SETDB2: variants seen among roughly 807,000 people sequenced by gnomAD.
The protein encoded by SETDB2 is histone-lysine N-methyltransferase SETDB2.
Under a neutral mutation model 82.5 loss-of-function variants are expected in SETDB2, and 56 were observed. The ratio of observed to expected loss-of-function variants is 0.68; its 90% CI spans 0.55 to 0.85. The LOEUF (loss-of-function observed/expected upper bound fraction) is 0.85. SETDB2 is among the 40% of genes least tolerant of loss of function. SETDB2 has a pLI of 0.00. For missense variants in SETDB2, 677 were observed against 816.4 expected (o/e 0.83, Z 2.08); for synonymous variants, 272 against 284.9 (o/e 0.95, Z 0.46).
intron 13 of SETDB2, 64 bp from the exon 14 acceptor site, chr13:49,491,668 T>C: frequency 9.2e-7 from 1 of 1,082,162 alleles, no homozygotes; most frequent in South Asian, 1.3e-5. Flanking sequence ...AAAATTGATA[T>C]AATTTGGTTC....
chr13:49,456,577 A>G (rs1957886774), intron 2 of SETDB2, among the ~76,000 whole-genome samples: 1 of 152,204 alleles, frequency 6.6e-6, no homozygotes, highest in South Asian at 2.1e-4. Context: ...TACCTGCTCC[A>G]GTATTCCTTG....
intron 6 of SETDB2, among the ~76,000 whole-genome samples, chr13:49,478,376 A>G (rs1393132263): frequency 6.6e-6 from 1 of 152,204 alleles, no homozygotes; most frequent in Non-Finnish European, 1.5e-5. Flanking sequence ...CTGGAATTGT[A>G]TTAATGAAAA....
intron 6 of SETDB2, among the ~76,000 whole-genome samples, chr13:49,479,390 A>T (rs1271509711): frequency 6.6e-6 from 1 of 152,220 alleles, no homozygotes; most frequent in Admixed American, 6.5e-5. Flanking sequence ...ATGGGAAAGA[A>T]CAATTATAGA....
rs1474115478 is a variant in SETDB2 at position 49,482,914 on chromosome 13, CTG to C, written c.1335_1336del (p.Lys447MetfsTer7). ...GAAACACATCCTAGAACTGCTAAAACTGAGAAATGTCCACCAAAGTTCAGTAA... is the reference window on the plus strand; with the variant it reads ...GAAACACATCCTAGAACTGCTAAAACAGAAATGTCCACCAAAGTTCAGTAA... On this transcript the variant is annotated frameshift_variant, in exon 9 of 14. Transcript: ENST00000611815. LOFTEE classifies it high-confidence loss of function. 1.2e-6 allele frequency: 2 copies of C among 1,613,302 alleles called. No homozygotes were observed. The highest frequency in any genetic ancestry group is 3.3e-5 in the Admixed American group (2 of 60,006).
chr13:49,454,732 C>T (rs1333060773), intron 2 of SETDB2, among the ~76,000 whole-genome samples: 2 of 152,164 alleles, frequency 1.3e-5, no homozygotes, highest in Non-Finnish European at 2.9e-5. Context: ...TTTACAACTG[C>T]ATAATGTCAT....
chr13:49,467,829 G>T (rs1169348875), intron 4 of SETDB2, 35 bp from the exon 5 acceptor site: 2 of 1,505,338 alleles, frequency 1.3e-6, no homozygotes, highest in Non-Finnish European at 9.1e-7. Context: ...TTTTTAACTT[G>T]GTATATTTGT....
intron 5 of SETDB2, among the ~76,000 whole-genome samples, chr13:49,470,871 G>A (rs747877861): frequency 1.3e-5 from 2 of 151,866 alleles, no homozygotes; most frequent in Non-Finnish European, 2.9e-5. Flanking sequence ...AACTATCAAC[G>A]GCAAACCCCA....
chr13:49,453,509 G>T (rs1957821002), intron 2 of SETDB2, among the ~76,000 whole-genome samples: 1 of 152,004 alleles, frequency 6.6e-6, no homozygotes, highest in Non-Finnish European at 1.5e-5. Flanking sequence ...TATTGGCCAG[G>T]CTGGTCTCGA....
chr13:49,449,554 A>G (rs933056801), intron 1 of SETDB2, among the ~76,000 whole-genome samples: 1 of 151,914 alleles, frequency 6.6e-6, no homozygotes, highest in Non-Finnish European at 1.5e-5. Flanking sequence ...GTTAGCCCCA[A>G]GTTTTCTTTG....
At chr13:49,454,893 TTATAC>T (rs1018286644) in intron 2 of SETDB2, among the ~76,000 whole-genome samples, 2 of 152,148 alleles carry the variant, frequency 1.3e-5, no homozygotes, top group African/African-American at 4.8e-5. Flanking sequence ...CAGGATGACT[TTATAC>T]TCTTTAGAGT....
chr13:49,467,492 G>A (rs1222296714), intron 4 of SETDB2, among the ~76,000 whole-genome samples: 1 of 151,964 alleles, frequency 6.6e-6, no homozygotes, highest in African/African-American at 2.4e-5. Flanking sequence ...GAAAACAAAA[G>A]GTACATAAAT....
chr13:49,482,780 T>C lies in SETDB2; in HGVS notation c.1200T>C (p.Ile400=), dbSNP rs533415642. ...CTAACACTGAAAAATCTTATGGTAT[T>C]GATGAAAACGGGAGAGATGAGAATA... ...SRANTEKSYG[I]DENGRDENTM... The change falls in exon 9 of 14, where the codon ATT becomes ATC. Residue 400 remains isoleucine (I), a synonymous_variant. Transcript: ENST00000611815. 9.4e-5 allele frequency: 151 copies of C among 1,612,712 alleles called. 1 individual carries two copies. In the South Asian group the frequency reaches 1.6e-3, roughly 17 times the overall value.
chr13:49,445,936 C>A (rs1397664049), intron 1 of SETDB2: 118 of 130,646 alleles, frequency 9.0e-4, no homozygotes, highest in Admixed American at 1.0e-3. Flanking sequence ...GACTCCGTCT[C>A]AAAAAAAAAA....
At chr13:49,456,946 T>C (rs1234143233) in intron 2 of SETDB2, among the ~76,000 whole-genome samples, 1 of 152,156 alleles carries the variant, frequency 6.6e-6, no homozygotes, top group African/African-American at 2.4e-5. Context: ...CCTAGCAATA[T>C]GAGATAATAA....
Position 49,476,647 on chromosome 13 carries a change from T to C in SETDB2, c.477T>C (p.Cys159=). The change falls in exon 6 of 14, where the codon TGT becomes TGC. Residue 159 remains cysteine, a synonymous_variant. Transcript: ENST00000611815. ...ACCCTCTGCAGCTGCCAATCAAATG[T>C]CACTTCCAAAGACGACATGCAAAGA... The part of the protein sequence containing the change: ...GENPLQLPIK[C]HFQRRHAKTN... The C allele has an allele frequency of 1.2e-6, 2 of 1,614,134 alleles. No homozygotes were observed. The highest frequency in any genetic ancestry group is 1.7e-6 in the Non-Finnish European group (2 of 1,180,026).
chr13:49,491,690 T>C (rs770065233), intron 13 of SETDB2, 42 bp from the exon 14 acceptor site: 1 of 1,395,046 alleles, frequency 7.2e-7, no homozygotes, highest in East Asian at 2.3e-5. Flanking sequence ...TTGGTAGTTA[T>C]TTAGGGTATT....
intron 4 of SETDB2, among the ~76,000 whole-genome samples, chr13:49,464,413 T>A (rs1045083909): frequency 3.3e-5 from 5 of 152,176 alleles, no homozygotes; most frequent in Non-Finnish European, 5.9e-5. Context: ...ATCTGGACAA[T>A]CCTTAAGGGA....
chr13:49,472,691 CT>C (rs1415416186), intron 5 of SETDB2, among the ~76,000 whole-genome samples: 1 of 151,682 alleles, frequency 6.6e-6, no homozygotes, highest in Non-Finnish European at 1.5e-5. Flanking sequence ...GGGTTTTTTC[CT>C]TCTCTTTAGT....
At chr13:49,457,090 C>G (rs1421804886) in intron 2 of SETDB2, among the ~76,000 whole-genome samples, 1 of 151,652 alleles carries the variant, frequency 6.6e-6, no homozygotes, top group Admixed American at 6.6e-5. Flanking sequence ...ATTATATTAC[C>G]AGTGTCCTTT....
Sources: gnomAD v4.1 joint callset for allele counts (sites outside exome capture counted in the v4.1 genomes callset) on GRCh38, gnomAD v4.1.1 for gene constraint, MANE v1.5 for transcripts, NCBI Gene and HGNC (gene_info 2026-07-23, HGNC 2026-07-21) for gene names.